ARHGAP20: variants seen among roughly 807,000 people sequenced by gnomAD.
ARHGAP20 encodes Rho GTPase activating protein 20.
Under a neutral mutation model 73.7 loss-of-function variants are expected in ARHGAP20, and 34 were observed. The ratio of observed to expected loss-of-function variants is 0.46; its 90% CI spans 0.35 to 0.61. ARHGAP20 has a LOEUF of 0.61. ARHGAP20 is among the 20% of genes least tolerant of loss of function. The pLI is 0.00. For missense variants in ARHGAP20, 1,314 were observed against 1,420.9 expected (o/e 0.92, Z 1.21); for synonymous variants, 523 against 518.2 (o/e 1.01, Z -0.13).
intron 1 of ARHGAP20, among the ~76,000 whole-genome samples, chr11:110,709,741 A>G (rs1050698050): frequency 6.6e-6 from 1 of 152,206 alleles, no homozygotes; most frequent in Non-Finnish European, 1.5e-5. Context: ...GGATGCATAG[A>G]TGAGGTGGCA....
At chr11:110,711,570 T>A in intron 1 of ARHGAP20, 1 of 1,451,210 alleles carries the variant, frequency 6.9e-7, no homozygotes, top group Non-Finnish European at 9.1e-7. Flanking sequence ...TCCCCATATC[T>A]GCCCCCCGAA....
chr11:110,614,755 C>A, intron 5 of ARHGAP20, 110 bp from the exon 6 acceptor site: 1 of 693,872 alleles, frequency 1.4e-6, no homozygotes, highest in Non-Finnish European at 2.3e-6. Flanking sequence ...TACTTATATG[C>A]TATTTTTAAA....
At chr11:110,642,925 G>T (rs1949106202) in intron 2 of ARHGAP20, among the ~76,000 whole-genome samples, 2 of 151,960 alleles carry the variant, frequency 1.3e-5, no homozygotes, top group African/African-American at 4.8e-5. Flanking sequence ...GCTTTTTTTG[G>T]TTGGTAGGTT....
At chr11:110,707,172 T>C (rs1342029827) in intron 1 of ARHGAP20, among the ~76,000 whole-genome samples, 1 of 152,160 alleles carries the variant, frequency 6.6e-6, no homozygotes, top group Non-Finnish European at 1.5e-5. Context: ...TTTCTGGGCC[T>C]ATAAGTCTCT....
At chr11:110,631,349 A>G (rs1181547690) in intron 2 of ARHGAP20, among the ~76,000 whole-genome samples, 1 of 152,176 alleles carries the variant, frequency 6.6e-6, no homozygotes, top group East Asian at 1.9e-4. Context: ...CTTCTCAGCT[A>G]TTATATAAAT....
chr11:110,592,885 A>C (rs561523918), intron 9 of ARHGAP20, among the ~76,000 whole-genome samples: 14 of 152,320 alleles, frequency 9.2e-5, no homozygotes, highest in African/African-American at 2.4e-4. Context: ...TGTTTAAGGA[A>C]GCATGGATGG....
chr11:110,687,752 T>G (rs1031001307), intron 2 of ARHGAP20, among the ~76,000 whole-genome samples: 4 of 152,032 alleles, frequency 2.6e-5, no homozygotes, highest in African/African-American at 9.7e-5. Context: ...AAGAAAAAAA[T>G]GAAAATAGTT....
At chr11:110,617,606 T>C (rs1591318402) in intron 4 of ARHGAP20, among the ~76,000 whole-genome samples, 1 of 152,284 alleles carries the variant, frequency 6.6e-6, no homozygotes, top group Admixed American at 6.5e-5. Flanking sequence ...ATAAACAGCA[T>C]ATATTACTTC....
In ARHGAP20 at chr11:110,578,750, T is replaced by TGAGTC. The variant is rs1438445084; in HGVS notation, c.*615_*619dup. 1 of 985,380 alleles carries TGAGTC rather than the reference T, an allele frequency of 1.0e-6. No homozygotes were observed. The highest frequency in any genetic ancestry group is 1.1e-4 in the East Asian group (1 of 8,830). 61.0% of individuals were successfully genotyped at this position (985,380 alleles called of 1,614,324 possible). ...CTGATATCATGGTACCCATGGCTTT[T>TGAGTC]GAGTCACTCTGTTTTTCTCCACTCT... On this transcript the variant is annotated 3_prime_UTR_variant, in exon 15 of 15. Coordinates refer to ENST00000683387, the MANE Select transcript of ARHGAP20 (RefSeq NM_001384657.1).
chr11:110,664,429 CA>C (rs1949677569), intron 2 of ARHGAP20, among the ~76,000 whole-genome samples: 1 of 151,804 alleles, frequency 6.6e-6, no homozygotes, highest in South Asian at 2.1e-4. Context: ...AACACACATT[CA>C]AAAAAATGAA....
chr11:110,598,178 T>TA (rs1948018974), intron 9 of ARHGAP20, among the ~76,000 whole-genome samples: 3 of 151,792 alleles, frequency 2.0e-5, no homozygotes, highest in African/African-American at 7.3e-5. Context: ...CCACCTTTTT[T>TA]TTTTTTTCCC....
chr11:110,666,118 T>A (rs766328409), intron 2 of ARHGAP20, among the ~76,000 whole-genome samples: 39 of 152,218 alleles, frequency 2.6e-4, no homozygotes, highest in Non-Finnish European at 5.3e-4. Context: ...AACTGTGCCA[T>A]TTACAACAGC....
chr11:110,671,880 C>T (rs541295379), intron 2 of ARHGAP20, among the ~76,000 whole-genome samples: 3 of 152,102 alleles, frequency 2.0e-5, no homozygotes, highest in South Asian at 4.2e-4. Context: ...AGAGTGAAAA[C>T]GTATGTACTT....
Position 110,579,681 on chromosome 11 carries a change from C to T in ARHGAP20, c.3265G>A (p.Glu1089Lys). 1 of 1,614,196 alleles carries T rather than the reference C, an allele frequency of 6.2e-7. No homozygotes were observed. The highest frequency in any genetic ancestry group is 8.5e-7 in the Non-Finnish European group (1 of 1,180,040). ...GVPEANSLQE[E>K]QKDLPLRAAE... ...GCCCTTAAGGGCAAGTCTTTTTGTT[C>T]CTCTTGCAGTGAGTTGGCTTCTGGA... The change falls in exon 15 of 15, where the codon GAA becomes AAA. Residue 1089 changes from glutamate (E) to lysine (K), a missense_variant. Glu to Lys is a moderately conservative substitution (Grantham distance 56). Around this residue, in one of 3 missense-constraint regions of ARHGAP20, gnomAD observed 641 missense variants for 636.9 expected, o/e 1.01. Transcript: ENST00000683387.
chr11:110,683,778 T>C (rs192024020), intron 2 of ARHGAP20, among the ~76,000 whole-genome samples: 1 of 152,306 alleles, frequency 6.6e-6, no homozygotes, highest in Admixed American at 6.5e-5. Context: ...CCAGTTGTTA[T>C]AGTCTGAATG....
At position 110,580,554 on chromosome 11, in the gene ARHGAP20, G is replaced by A. The variant is rs751028197; in HGVS notation, c.2392C>T (p.Pro798Ser). 6.8e-6 allele frequency: 11 copies of A among 1,614,112 alleles called. No homozygotes were observed. In the Admixed American group the frequency reaches 1.7e-4, roughly 24 times the overall value. ...NHVKLFPKSK[P>S]VAISVASYSP... is the part of the protein sequence containing the mutation. ...TAAGATGCCACAGAAATGGCCACTG[G>A]CTTAGACTTAGGGAAAAGTTTCACG... Residue 798 changes from proline (P) to serine (S), a missense_variant, in exon 15 of 15, where the codon CCA (proline) becomes TCA (serine). Physicochemically the swap from Pro to Ser is moderately conservative, Grantham distance 74 (BLOSUM62 -1). Around this residue, in one of 3 missense-constraint regions of ARHGAP20, gnomAD observed 641 missense variants for 636.9 expected, o/e 1.01. Coordinates refer to ENST00000683387, the MANE Select transcript of ARHGAP20 (RefSeq NM_001384657.1).
rs1482242131 is a variant in ARHGAP20, at chr11:110,590,684, G to T, written c.1269C>A (p.Asp423Glu). The T allele has an allele frequency of 6.2e-7, 1 of 1,614,046 alleles. No homozygotes were observed. The highest frequency in any genetic ancestry group is 8.5e-7 in the Non-Finnish European group (1 of 1,179,996). ...KLNSGVEVHL[D>E]CESIFVIASV... ...ATGCTATCACAAAAATAGATTCACA[G>T]TCTAGGTGTACTTCGACTCCAGAAT... The change falls in exon 11 of 15, where the codon GAC becomes GAA. Residue 423 changes from aspartate (D) to glutamate (E), a missense_variant. By Grantham distance (45) the Asp-to-Glu change is conservative (BLOSUM62 2). Around this residue, in one of 3 missense-constraint regions of ARHGAP20, gnomAD observed 230 missense variants for 317.6 expected, o/e 0.72. Coordinates refer to ENST00000683387, the MANE Select transcript of ARHGAP20 (RefSeq NM_001384657.1).
At chr11:110,645,732 A>T (rs542679268) in intron 2 of ARHGAP20, among the ~76,000 whole-genome samples, 1 of 152,182 alleles carries the variant, frequency 6.6e-6, no homozygotes, top group African/African-American at 2.4e-5. Context: ...GTGCTCATCA[A>T]TGGTGGATTG....
intron 9 of ARHGAP20, among the ~76,000 whole-genome samples, chr11:110,602,222 C>CT (rs35937574): frequency 0.53 from 79,852 of 149,940 alleles, 23,204 homozygotes; most frequent in African/African-American, 0.8. Context: ...ACCACAACAT[C>CT]TTTTTTTTTT....
Sources: gnomAD v4.1 joint callset for allele counts (sites outside exome capture counted in the v4.1 genomes callset) on GRCh38, gnomAD v4.1.1 for gene constraint, gnomAD v4.1.1 regional missense constraint, MANE v1.5 for transcripts, NCBI Gene and HGNC (gene_info 2026-07-23, HGNC 2026-07-21) for gene names.